Variants in WDFY2 observed in about 807,000 individuals in gnomAD.
The protein encoded by WDFY2 is WD repeat and FYVE domain-containing protein 2.
WDFY2 carries 36 observed loss-of-function variants against 56.4 expected under a neutral mutation model. That is an observed-to-expected ratio of 0.64 (90% CI 0.49 to 0.84). WDFY2 has a LOEUF of 0.84. WDFY2 is among the 40% of genes least tolerant of loss of function. The pLI, the probability that WDFY2 is intolerant of heterozygous loss-of-function variation, is 0.00. For synonymous variants in WDFY2, 176 were observed against 183.7 expected, an observed-to-expected ratio of 0.96 and a Z score of 0.34; for missense variants, 444 against 512.2, an observed-to-expected ratio of 0.87 and a Z score of 1.29.
intron 7 of WDFY2, among the ~76,000 whole-genome samples, chr13:51,745,907 T>C (rs1953087144): frequency 6.6e-6 from 1 of 151,842 alleles, no homozygotes; most frequent in Admixed American, 6.6e-5. Flanking sequence ...GCCCACAAAA[T>C]TCACTTCTAC....
intron 1 of WDFY2, among the ~76,000 whole-genome samples, chr13:51,632,365 C>T (rs1489539464): frequency 6.6e-6 from 1 of 151,900 alleles, no homozygotes; most frequent in Non-Finnish European, 1.5e-5. Flanking sequence ...TTATTTATTA[C>T]TTTTTCTTTA....
At chr13:51,734,175 T>C (rs928110693) in intron 6 of WDFY2, among the ~76,000 whole-genome samples, 1 of 152,154 alleles carries the variant, frequency 6.6e-6, no homozygotes, top group African/African-American at 2.4e-5. Context: ...CCAACCCTGA[T>C]TTTGTAACAC....
At chr13:51,710,882 C>A (rs2138604084) in intron 4 of WDFY2, among the ~76,000 whole-genome samples, 1 of 152,272 alleles carries the variant, frequency 6.6e-6, no homozygotes, top group Middle Eastern at 3.4e-3. Context: ...TTTATATATT[C>A]AATGCCATCT....
intron 1 of WDFY2, among the ~76,000 whole-genome samples, chr13:51,629,586 C>T (rs990785358): frequency 6.6e-6 from 1 of 152,120 alleles, no homozygotes; most frequent in Non-Finnish European, 1.5e-5. Flanking sequence ...ACAAGCATTG[C>T]ACTCTACATA....
chr13:51,716,267 G>A (rs1031817343), intron 4 of WDFY2, among the ~76,000 whole-genome samples: 2 of 152,154 alleles, frequency 1.3e-5, no homozygotes, highest in Non-Finnish European at 2.9e-5. Context: ...TGATGGAAAT[G>A]TTCTGGAAAT....
chr13:51,702,687 A>T (rs9568656), intron 3 of WDFY2, among the ~76,000 whole-genome samples: 1 of 152,188 alleles, frequency 6.6e-6, no homozygotes, highest in African/African-American at 2.4e-5. Flanking sequence ...CTGTCTTCCC[A>T]TCCCCCTTTT....
intron 1 of WDFY2, among the ~76,000 whole-genome samples, chr13:51,600,257 A>G (rs1180055918): frequency 1.3e-5 from 2 of 152,194 alleles, no homozygotes; most frequent in Non-Finnish European, 2.9e-5. Context: ...CTAATGATAT[A>G]TAATGATGGA....
rs1182187397 is a variant in WDFY2, at chr13:51,592,876, C to T, written c.137+8052C>T. ...GTGATTCACACCTATAATCTCAGCACTTTGGGAGGCTGAGGTGGGAGGACT... is the reference window on the plus strand; with the variant it reads ...GTGATTCACACCTATAATCTCAGCATTTTGGGAGGCTGAGGTGGGAGGACT... On this transcript the variant is annotated intron_variant, in intron 1 of 11. Transcript: ENST00000298125. Among the ~76,000 whole-genome samples the T allele has an allele frequency of 2.6e-5, 4 of 152,202 alleles. No individual in the cohort carries two copies. The East Asian group carries it at 7.7e-4, about 29-fold the overall frequency.
rs1953761224 is a variant in WDFY2, at chr13:51,766,700, C to G, written c.*6931C>G. ...TCCGCTCACTTTCCCACTGTGCTTT[C>G]CTCTAACCAAAATATACGTGTAGCC... is the stretch of plus-strand genomic sequence containing the variant. On this transcript the variant is annotated 3_prime_UTR_variant, in exon 12 of 12. Transcript: ENST00000298125. The G allele has an allele frequency of 6.6e-6, 1 of 152,258 alleles. No individual in the cohort carries two copies. The highest frequency in any genetic ancestry group is 2.4e-5 in the African/African-American group (1 of 41,460). 9.4% of individuals were successfully genotyped at this position (152,258 alleles called of 1,614,324 possible).
intron 2 of WDFY2, among the ~76,000 whole-genome samples, chr13:51,663,652 T>C (rs1955652471): frequency 6.6e-6 from 1 of 152,216 alleles, no homozygotes; most frequent in Admixed American, 6.5e-5. Flanking sequence ...ATAAGCTACA[T>C]TTCAATCAGT....
intron 3 of WDFY2, among the ~76,000 whole-genome samples, chr13:51,691,980 A>T (rs1267042397): frequency 1.3e-5 from 2 of 151,458 alleles, no homozygotes; most frequent in Non-Finnish European, 1.5e-5. Flanking sequence ...GAGTTCACTC[A>T]TGATTTGGCT....
At chr13:51,670,596 G>A (rs555641476) in intron 2 of WDFY2, among the ~76,000 whole-genome samples, 3 of 152,074 alleles carry the variant, frequency 2.0e-5, no homozygotes, top group African/African-American at 7.2e-5. Flanking sequence ...GCCTTTGGAT[G>A]TGCCTGGGAG....
At chr13:51,689,826 A>T (rs1168346289) in intron 3 of WDFY2, among the ~76,000 whole-genome samples, 1 of 152,196 alleles carries the variant, frequency 6.6e-6, no homozygotes, top group Non-Finnish European at 1.5e-5. Flanking sequence ...TGAAATGAAG[A>T]TTAAGCAAAG....
chr13:51,594,489 C>T (rs2138294968), intron 1 of WDFY2, among the ~76,000 whole-genome samples: 1 of 152,288 alleles, frequency 6.6e-6, no homozygotes, highest in Non-Finnish European at 1.5e-5. Flanking sequence ...ACTTTTATCA[C>T]AAATTTCAGT....
intron 5 of WDFY2, among the ~76,000 whole-genome samples, chr13:51,724,968 C>T (rs1306811386): frequency 6.6e-6 from 1 of 152,172 alleles, no homozygotes; most frequent in Admixed American, 6.5e-5. Context: ...TTTCCTGTCC[C>T]AATCCTGGAA....
intron 7 of WDFY2, among the ~76,000 whole-genome samples, chr13:51,750,986 A>T (rs1747320351): frequency 6.6e-6 from 1 of 152,182 alleles, no homozygotes; most frequent in Non-Finnish European, 1.5e-5. Context: ...CATACGCTAC[A>T]CATTTTGATC....
At chr13:51,697,459 G>A (rs1473026356) in intron 3 of WDFY2, among the ~76,000 whole-genome samples, 2 of 151,786 alleles carry the variant, frequency 1.3e-5, no homozygotes, top group African/African-American at 2.4e-5. Context: ...GTGGTAAAAC[G>A]CCATCTCTAC....
At position 51,761,654 on chromosome 13, in the gene WDFY2, TTACTTCTCTAACTAGGGGGAAG is replaced by T. The variant is rs1363605188; in HGVS notation, c.*1890_*1911del. The T allele has an allele frequency of 6.6e-6, 1 of 152,244 alleles. No homozygotes were observed. The highest frequency in any genetic ancestry group is 1.9e-4 in the East Asian group (1 of 5,204). The allele number at this position is 152,244 out of a possible 1,614,324, so 9.4% of individuals were successfully genotyped here. ...CGTTTTTTGCCCTCACAATCATTCATTACTTCTCTAACTAGGGGGAAGTACTACAAGCTGTCCTCAGGTACTG... is the reference window on the plus strand; with the variant it reads ...CGTTTTTTGCCCTCACAATCATTCATTACTACAAGCTGTCCTCAGGTACTG... On this transcript the variant is annotated 3_prime_UTR_variant, in exon 12 of 12. Transcript: ENST00000298125.
At chr13:51,701,297 C>T (rs564071037) in intron 3 of WDFY2, among the ~76,000 whole-genome samples, 1 of 151,886 alleles carries the variant, frequency 6.6e-6, no homozygotes, top group African/African-American at 2.4e-5. Context: ...CCGAGGCAGG[C>T]GGATCACGAG....
Sources: gnomAD v4.1 joint callset for allele counts (sites outside exome capture counted in the v4.1 genomes callset) on GRCh38, gnomAD v4.1.1 for gene constraint, MANE v1.5 for transcripts, NCBI Gene and HGNC (gene_info 2026-07-23, HGNC 2026-07-21) for gene names.